Variants in LDLRAD4 observed in about 807,000 individuals in gnomAD.
LDLRAD4 encodes low-density lipoprotein receptor class A domain-containing protein 4.
A neutral mutation model predicts 17.0 loss-of-function variants in LDLRAD4; 5 were observed. That is an observed-to-expected ratio of 0.29 (90% CI 0.15 to 0.62). The LOEUF (loss-of-function observed/expected upper bound fraction) is 0.62. LDLRAD4 is among the 20% of genes least tolerant of loss of function. The pLI is 0.84. For synonymous variants in LDLRAD4, 168 were observed against 171.8 expected (o/e 0.98, Z 0.17); for missense variants, 340 against 424.7 (o/e 0.80, Z 1.75).
rs184166612 is a variant in LDLRAD4 at position 13,505,812 on chromosome 18, T to C, written c.181+67428T>C. Among the ~76,000 whole-genome samples, 11 of 151,956 alleles carry C rather than the reference T, an allele frequency of 7.2e-5. No homozygotes were observed. The East Asian group carries it at 1.9e-3, about 27-fold the overall frequency. Reference sequence around the variant, plus strand: ...CAGTCTGGGCGACAGAGCAAGACTCTGTCTCAAAAAAACAAAAACAAAAAC... The same window carrying C: ...CAGTCTGGGCGACAGAGCAAGACTCCGTCTCAAAAAAACAAAAACAAAAAC... On this transcript the variant is annotated intron_variant, in intron 3 of 5. Coordinates refer to ENST00000359446, the Ensembl canonical transcript of LDLRAD4.
At chr18:13,539,931 G>A (rs1026619916) in intron 3 of LDLRAD4, among the ~76,000 whole-genome samples, 6 of 152,230 alleles carry the variant, frequency 3.9e-5, no homozygotes, top group South Asian at 2.1e-4. Context: ...TATGCCTTGG[G>A]CTGGCTATGG....
intron 1 of LDLRAD4, among the ~76,000 whole-genome samples, chr18:13,378,369 G>T (rs745691689): frequency 2.4e-4 from 36 of 152,102 alleles, no homozygotes; most frequent in Non-Finnish European, 8.8e-5. Flanking sequence ...AGGGTGGTTT[G>T]TTGCCCTCTC....
At chr18:13,403,824 G>A (rs916796352) in intron 2 of LDLRAD4, among the ~76,000 whole-genome samples, 1 of 152,254 alleles carries the variant, frequency 6.6e-6, no homozygotes, top group Admixed American at 6.5e-5. Context: ...GGGAGGCCAT[G>A]ACCTTAAAGC....
rs542446207 is a variant in LDLRAD4, at chr18:13,591,946, A to G, written c.182-29171A>G. 3.9e-5 allele frequency among the ~76,000 whole-genome samples: 6 copies of G among 152,360 alleles called. No homozygotes were observed. In the South Asian group the frequency reaches 6.2e-4, roughly 16 times the overall value. ...CTGAGGCTAAGGAAGATTATGTGAC[A>G]TTCAGTCACGTAATTTACAGACAGG... On this transcript the variant is annotated intron_variant, in intron 3 of 5. Transcript: ENST00000359446.
chr18:13,450,700 T>C (rs990901567), intron 3 of LDLRAD4, among the ~76,000 whole-genome samples: 8 of 152,140 alleles, frequency 5.3e-5, no homozygotes, highest in Admixed American at 5.2e-4. Flanking sequence ...GCCCACAAAG[T>C]TGTGGCACGT....
intron 3 of LDLRAD4, among the ~76,000 whole-genome samples, chr18:13,516,331 TC>T (rs1400032504): frequency 6.6e-6 from 1 of 152,202 alleles, no homozygotes; most frequent in Non-Finnish European, 1.5e-5. Context: ...AACGATCTCT[TC>T]CGGGTGTCCT....
intron 2 of LDLRAD4, among the ~76,000 whole-genome samples, chr18:13,425,023 C>T (rs2089813414): frequency 1.3e-5 from 2 of 152,210 alleles, no homozygotes; most frequent in African/African-American, 4.8e-5. Flanking sequence ...TTCATTCATT[C>T]AGCAAATATT....
chr18:13,300,464 A>C lies in LDLRAD4; in HGVS notation c.-383+22276A>C, dbSNP rs915880512. Among the ~76,000 whole-genome samples, 1 of 152,198 alleles carries C rather than the reference A, an allele frequency of 6.6e-6. No individual in the cohort carries two copies. The highest frequency in any genetic ancestry group is 2.4e-5 in the African/African-American group (1 of 41,462). ...GGGGTCAGCCATGACTGCTGCCCCA[A>C]GGGAGGCCTGCAATAAGGCACCCGG... On this transcript the variant is annotated intron_variant, in intron 1 of 5. Transcript: ENST00000359446. The surrounding 1 kb of genome is among the most constrained non-coding windows in gnomAD (Gnocchi z 4.2).
intron 1 of LDLRAD4, among the ~76,000 whole-genome samples, chr18:13,298,880 G>A (rs761379201): frequency 3.3e-5 from 5 of 152,228 alleles, no homozygotes; most frequent in Non-Finnish European, 7.3e-5. Context: ...TACGTCATGC[G>A]TAGTCTGACC....
chr18:13,378,945 G>A (rs1213974039), intron 1 of LDLRAD4, among the ~76,000 whole-genome samples: 5 of 152,228 alleles, frequency 3.3e-5, no homozygotes, highest in East Asian at 1.9e-4. Context: ...TTAGAGACGC[G>A]ATTTCATCGG....
chr18:13,378,191 A>G (rs1326535200), intron 1 of LDLRAD4, among the ~76,000 whole-genome samples: 1 of 152,104 alleles, frequency 6.6e-6, no homozygotes, highest in Non-Finnish European at 1.5e-5. Context: ...TCTGAGCCTT[A>G]AGGTGTAGGG....
At position 13,650,974 on chromosome 18, in the gene LDLRAD4, C is replaced by G. The variant is rs182364546; in HGVS notation, c.*5317C>G. On this transcript the variant is annotated 3_prime_UTR_variant, in exon 6 of 6. Coordinates refer to ENST00000359446, the Ensembl canonical transcript of LDLRAD4. ...CTGTGAAAACACTTTAAAGAAAATA[C>G]TTTTTAAAAAATCCCACAGCTTTTT... 2.6e-5 allele frequency: 4 copies of G among 152,316 alleles called. No individual in the cohort carries two copies. The East Asian group carries it at 7.7e-4, about 29-fold the overall frequency. 9.4% of individuals were successfully genotyped at this position (152,316 alleles called of 1,614,324 possible).
At chr18:13,418,645 G>T (rs2089161738) in intron 2 of LDLRAD4, among the ~76,000 whole-genome samples, 1 of 152,168 alleles carries the variant, frequency 6.6e-6, no homozygotes, top group African/African-American at 2.4e-5. Flanking sequence ...ACCATTTTTG[G>T]TGTGCTAAGT....
chr18:13,636,035 C>T (rs1266888447), intron 4 of LDLRAD4, among the ~76,000 whole-genome samples: 5 of 151,932 alleles, frequency 3.3e-5, no homozygotes, highest in Admixed American at 6.6e-5. Context: ...GGCGTGTTTA[C>T]TGCTGTCAAA....
chr18:13,275,518 A>G (rs1454057392), upstream of LDLRAD4, among the ~76,000 whole-genome samples: 1 of 152,240 alleles, frequency 6.6e-6, no homozygotes, highest in East Asian at 1.9e-4. Context: ...TTGGCAAATC[A>G]TAGTTCTATT....
intron 3 of LDLRAD4, among the ~76,000 whole-genome samples, chr18:13,453,231 C>T (rs1224979146): frequency 1.3e-5 from 2 of 152,002 alleles, no homozygotes; most frequent in East Asian, 1.9e-4. Flanking sequence ...TGCACGTGCT[C>T]GCGTTTTGGA....
At chr18:13,373,626 A>G (rs1187262726) in intron 1 of LDLRAD4, among the ~76,000 whole-genome samples, 1 of 152,236 alleles carries the variant, frequency 6.6e-6, no homozygotes, top group African/African-American at 2.4e-5. Context: ...TTTGAAGGAG[A>G]CAGTGTATTT....
intron 3 of LDLRAD4, among the ~76,000 whole-genome samples, chr18:13,551,170 A>T (rs1451091749): frequency 6.6e-6 from 1 of 152,130 alleles, no homozygotes; most frequent in South Asian, 2.1e-4. Context: ...CGAGCAAAAT[A>T]GTGTCATCGG....
chr18:13,338,449 A>T (rs1427242212), intron 1 of LDLRAD4, among the ~76,000 whole-genome samples: 1 of 152,144 alleles, frequency 6.6e-6, no homozygotes, highest in Non-Finnish European at 1.5e-5. Context: ...TTGACAGAGG[A>T]TCCTCAGCTC....
Sources: gnomAD v4.1 joint callset for allele counts (sites outside exome capture counted in the v4.1 genomes callset) on GRCh38, gnomAD v4.1.1 for gene constraint, Gnocchi (gnomAD v3.1) non-coding constraint, MANE v1.5 for transcripts, NCBI Gene and HGNC (gene_info 2026-07-23, HGNC 2026-07-21) for gene names.